KIF26B: variants seen among roughly 807,000 people sequenced by gnomAD.
KIF26B encodes kinesin-like protein KIF26B.
Under a neutral mutation model 151.2 loss-of-function variants are expected in KIF26B, and 63 were observed. That is an observed-to-expected ratio of 0.42 (90% CI 0.34 to 0.51). The LOEUF (loss-of-function observed/expected upper bound fraction) is 0.51, where lower values mean the gene tolerates loss of function less well. Among genes scored for constraint, KIF26B ranks in the 20% least tolerant of loss-of-function variants. KIF26B has a pLI of 0.07. For synonymous variants in KIF26B, 1,357 were observed against 1,262.1 expected, an observed-to-expected ratio of 1.08 and a Z score of -1.59; for missense variants, 2,813 against 2,913.6, an observed-to-expected ratio of 0.97 and a Z score of 0.79.
At chr1:245,171,920 A>G (rs76614177) in intron 2 of KIF26B, among the ~76,000 whole-genome samples, 1,995 of 152,322 alleles carry the variant, frequency 0.013, 43 homozygotes, top group African/African-American at 0.046. Flanking sequence ...TGTCTGCTGC[A>G]TGGTAGTCAT....
chr1:245,327,048 T>TG (rs1348899047), intron 2 of KIF26B, among the ~76,000 whole-genome samples: 1 of 152,246 alleles, frequency 6.6e-6, no homozygotes, highest in Non-Finnish European at 1.5e-5. Flanking sequence ...TCAGCAATGT[T>TG]GGAACCAAGT....
chr1:245,669,331 G>A (rs1396617450), intron 10 of KIF26B, among the ~76,000 whole-genome samples: 1 of 152,162 alleles, frequency 6.6e-6, no homozygotes, highest in South Asian at 2.1e-4. Context: ...GAAGACTGAT[G>A]AAGTATTCCC....
At chr1:245,183,729 G>A (rs1299214291) in intron 2 of KIF26B, among the ~76,000 whole-genome samples, 3 of 152,122 alleles carry the variant, frequency 2.0e-5, no homozygotes, top group Non-Finnish European at 4.4e-5. Flanking sequence ...ACCTGCAGGT[G>A]TGAGATGGAC....
intron 14 of KIF26B, among the ~76,000 whole-genome samples, chr1:245,701,498 C>T (rs573747744): frequency 6.6e-6 from 1 of 152,284 alleles, no homozygotes; most frequent in Non-Finnish European, 1.5e-5. Context: ...GTGTCAGCCT[C>T]AGTGAGTCAC....
rs76638885 is a variant in KIF26B at position 245,571,971 on chromosome 1, T to C, written c.1351-30606T>C. 7.9e-5 allele frequency among the ~76,000 whole-genome samples: 12 copies of C among 152,278 alleles called. No individual in the cohort carries two copies. The South Asian group carries it at 2.3e-3, about 29-fold the overall frequency. ...GGCTTCCCTCTTTACTCTGCCTTGA[T>C]TGAGACAAGATGAGCGTGCTGCTGG... is the stretch of plus-strand genomic sequence containing the variant. On this transcript the variant is annotated intron_variant, in intron 5 of 14. Transcript: ENST00000407071.
intron 2 of KIF26B, among the ~76,000 whole-genome samples, chr1:245,300,236 T>G (rs1054272596): frequency 2.0e-5 from 3 of 152,224 alleles, no homozygotes; most frequent in Non-Finnish European, 4.4e-5. Flanking sequence ...ATTGATTTGC[T>G]CAATGCAAGT....
intron 3 of KIF26B, among the ~76,000 whole-genome samples, chr1:245,405,624 G>GTT (rs548316578): frequency 0.13 from 19,447 of 144,770 alleles, 1,505 homozygotes; most frequent in East Asian, 0.23. Flanking sequence ...TATTGATGTT[G>GTT]TTTTTTTTTT....
chr1:245,524,786 G>T (rs1433141224), intron 4 of KIF26B, among the ~76,000 whole-genome samples: 4 of 151,912 alleles, frequency 2.6e-5, no homozygotes, highest in African/African-American at 9.7e-5. Context: ...CAAAAGAATA[G>T]CCGAGGCCCC....
intron 2 of KIF26B, among the ~76,000 whole-genome samples, chr1:245,184,053 T>TTG (rs1204008571): frequency 2.6e-5 from 2 of 78,334 alleles, no homozygotes; most frequent in Non-Finnish European, 4.5e-5. Context: ...AGTTGTTGTT[T>TTG]TTTTTTTTTT....
intron 2 of KIF26B, among the ~76,000 whole-genome samples, chr1:245,355,849 C>T (rs1465851973): frequency 6.6e-6 from 1 of 152,144 alleles, no homozygotes; most frequent in African/African-American, 2.4e-5. Context: ...AAATCCTCGG[C>T]TCCTGTCTGA....
At chr1:245,568,473 G>A (rs775387647) in intron 5 of KIF26B, among the ~76,000 whole-genome samples, 14 of 152,210 alleles carry the variant, frequency 9.2e-5, no homozygotes, top group Non-Finnish European at 1.9e-4. Flanking sequence ...TCATATCCCT[G>A]CCCTTCAGCC....
intron 5 of KIF26B, among the ~76,000 whole-genome samples, chr1:245,548,604 G>A (rs542157924): frequency 6.6e-6 from 1 of 152,340 alleles, no homozygotes; most frequent in African/African-American, 2.4e-5. Context: ...CTGAGGGCCA[G>A]CAAGAGGCAC....
At chr1:245,699,138 G>GCCC in intron 14 of KIF26B, 101 bp downstream of exon 14, 1 of 1,270,540 alleles carries the variant, frequency 7.9e-7, no homozygotes. Flanking sequence ...CTGTGTCCTC[G>GCCC]TCCTCAGTCA....
At chr1:245,448,363 A>G (rs1430646843) in intron 4 of KIF26B, among the ~76,000 whole-genome samples, 1 of 152,092 alleles carries the variant, frequency 6.6e-6, no homozygotes, top group Non-Finnish European at 1.5e-5. Flanking sequence ...GCACACCACC[A>G]CACCTGGCTG....
At chr1:245,694,580 A>G (rs972057613) in intron 12 of KIF26B, among the ~76,000 whole-genome samples, 2 of 152,088 alleles carry the variant, frequency 1.3e-5, no homozygotes, top group African/African-American at 2.4e-5. Flanking sequence ...AGGGATGTTA[A>G]GAGTAGAAGG....
chr1:245,172,056 A>G (rs1024521190), intron 2 of KIF26B, among the ~76,000 whole-genome samples: 3 of 138,112 alleles, frequency 2.2e-5, no homozygotes, highest in South Asian at 5.1e-4. Flanking sequence ...CAGTTCATTC[A>G]TTTTTCATTT....
intron 2 of KIF26B, among the ~76,000 whole-genome samples, chr1:245,341,303 GTTTTTTTTTTTTT>G (rs34249209): frequency 2.4e-5 from 2 of 82,602 alleles, no homozygotes; most frequent in African/African-American, 3.1e-5. Flanking sequence ...AAAAGATGCA[GTTTTTTTTTTTTT>G]TTTTTTTTTT....
intron 2 of KIF26B, among the ~76,000 whole-genome samples, chr1:245,359,772 G>T (rs1672776688): frequency 6.6e-6 from 1 of 151,306 alleles, no homozygotes; most frequent in South Asian, 2.1e-4. Flanking sequence ...TGAACTGCTG[G>T]CTCAACTGAT....
rs2044721820 is a variant in KIF26B at position 245,698,338 on chromosome 1, T to C, written c.6027+30T>C. 4 of 1,590,454 alleles carry C rather than the reference T, an allele frequency of 2.5e-6. No individual in the cohort carries two copies. The highest frequency in any genetic ancestry group is 3.4e-6 in the Non-Finnish European group (4 of 1,165,106). ...GGCAGCCTCCTTCCCACCCCCTGCCTACGTGGTGGCAGCTCCCCACCAAGC... is the reference window on the plus strand; with the variant it reads ...GGCAGCCTCCTTCCCACCCCCTGCCCACGTGGTGGCAGCTCCCCACCAAGC... On this transcript the variant is annotated intron_variant, in intron 13 of 14. Transcript: ENST00000407071. This position sits in a 1 kb window ranked among gnomAD's most constrained non-coding sequence, Gnocchi z 4.0.
Sources: gnomAD v4.1 joint callset for allele counts (sites outside exome capture counted in the v4.1 genomes callset) on GRCh38, gnomAD v4.1.1 for gene constraint, Gnocchi (gnomAD v3.1) non-coding constraint, MANE v1.5 for transcripts, NCBI Gene and HGNC (gene_info 2026-07-23, HGNC 2026-07-21) for gene names.